MSI2: variants seen among roughly 807,000 people sequenced by gnomAD.
The protein encoded by MSI2 is RNA-binding protein Musashi homolog 2.
A neutral mutation model predicts 45.6 loss-of-function variants in MSI2; 17 were observed. The ratio of observed to expected loss-of-function variants is 0.37; its 90% confidence interval spans 0.26 to 0.56. The LOEUF (loss-of-function observed/expected upper bound fraction) is 0.56. Ranked by LOEUF, MSI2 falls within the 20% of genes least tolerant of loss-of-function variation. The pLI is 0.77. For missense variants in MSI2, 293 were observed against 444.2 expected, an observed-to-expected ratio of 0.66 and a Z score of 3.06; for synonymous variants, 156 against 158.2, an observed-to-expected ratio of 0.99 and a Z score of 0.11.
At chr17:57,649,363 C>T (rs1910948155) in intron 10 of MSI2, among the ~76,000 whole-genome samples, 1 of 151,748 alleles carries the variant, frequency 6.6e-6, no homozygotes, top group Non-Finnish European at 1.5e-5. Context: ...ATACACAACA[C>T]ATAACACACA....
In MSI2 at chr17:57,471,329, C is replaced by T. The variant is rs1024123706; in HGVS notation, c.406-58347C>T. ...TTTTTCAGATGGAGTCTTGGTCTGT[C>T]GCCCAGGCTGGAGTGCAGTGGTACA... On this transcript the variant is annotated intron_variant, in intron 6 of 13. Coordinates refer to ENST00000284073, the MANE Select transcript of MSI2 (RefSeq NM_138962.4). Among the ~76,000 whole-genome samples, 47 of 124,218 alleles carry T rather than the reference C, an allele frequency of 3.8e-4. 1 individual carries two copies. Among genetic ancestry groups the T allele is most frequent in the Admixed American group, 1.6e-3 (16 of 9,946 alleles). 81.5% of individuals were successfully genotyped at this position (124,218 alleles called of 152,430 possible). A position where few individuals can be genotyped will look rare whatever the true frequency, so the allele number is the denominator to read the frequency against.
At chr17:57,304,852 A>T (rs1337546083) in intron 5 of MSI2, among the ~76,000 whole-genome samples, 1 of 152,068 alleles carries the variant, frequency 6.6e-6, no homozygotes, top group East Asian at 1.9e-4. Context: ...TCCTAAGAAA[A>T]ATCCCCTTAG....
intron 7 of MSI2, among the ~76,000 whole-genome samples, chr17:57,565,425 T>C (rs973522373): frequency 1.3e-5 from 2 of 152,224 alleles, no homozygotes; most frequent in African/African-American, 2.4e-5. Flanking sequence ...CACCTGCCCT[T>C]GTCTCCACCT....
intron 9 of MSI2, among the ~76,000 whole-genome samples, chr17:57,622,067 C>T (rs1908338100): frequency 6.6e-6 from 1 of 152,120 alleles, no homozygotes. Flanking sequence ...GACATGGTGG[C>T]GCATGCCTGT....
intron 6 of MSI2, among the ~76,000 whole-genome samples, chr17:57,460,441 AAG>A (rs1020415822): frequency 2.2e-4 from 33 of 152,098 alleles, no homozygotes; most frequent in Non-Finnish European, 4.7e-4. Flanking sequence ...TTTGGAAGGA[AAG>A]AGGGGAGGAA....
chr17:57,497,542 A>G (rs759061420), intron 6 of MSI2, among the ~76,000 whole-genome samples: 1 of 152,222 alleles, frequency 6.6e-6, no homozygotes, highest in African/African-American at 2.4e-5. Context: ...TCAAGGTTAC[A>G]TGGCTGGAAA....
At chr17:57,651,977 A>G in intron 10 of MSI2, 122 bp from the exon 11 acceptor site, 2 of 890,156 alleles carry the variant, frequency 2.2e-6, no homozygotes, top group Non-Finnish European at 3.7e-6. Flanking sequence ...TGCCCTGTGA[A>G]AATCCCTTCC....
At chr17:57,670,398 A>G (rs143976721) in intron 11 of MSI2, among the ~76,000 whole-genome samples, 48 of 152,294 alleles carry the variant, frequency 3.2e-4, no homozygotes, top group African/African-American at 1.1e-3. Context: ...TTAGAACCCT[A>G]AGGGAAAGGT....
intron 6 of MSI2, among the ~76,000 whole-genome samples, chr17:57,506,264 A>G (rs1294882793): frequency 6.6e-6 from 1 of 152,116 alleles, no homozygotes; most frequent in African/African-American, 2.4e-5. Flanking sequence ...CTTCCTTTAC[A>G]TTTCCAAGGT....
chr17:57,547,088 A>G (rs2144159195), intron 7 of MSI2, among the ~76,000 whole-genome samples: 1 of 152,348 alleles, frequency 6.6e-6, no homozygotes, highest in South Asian at 2.1e-4. Context: ...CTTGGGAGGC[A>G]GAGAACTGTG....
At chr17:57,562,164 C>T (rs554152588) in intron 7 of MSI2, among the ~76,000 whole-genome samples, 5 of 152,308 alleles carry the variant, frequency 3.3e-5, no homozygotes, top group Admixed American at 3.3e-4. Context: ...ATCCATCCAT[C>T]CCCATCCATC....
chr17:57,461,501 C>T (rs954414118), intron 6 of MSI2, among the ~76,000 whole-genome samples: 4 of 149,456 alleles, frequency 2.7e-5, no homozygotes, highest in Non-Finnish European at 5.9e-5. Context: ...GGGCTGCTGT[C>T]GGGAACAGTA....
chr17:57,674,622 CTCTT>C (rs1180800616), intron 11 of MSI2, among the ~76,000 whole-genome samples: 1 of 152,146 alleles, frequency 6.6e-6, no homozygotes, highest in Non-Finnish European at 1.5e-5. Flanking sequence ...CTCTCTCTCT[CTCTT>C]CCATATATAT....
chr17:57,583,488 C>CTTTTTTTTTTTTTTTTTTTTTTTTT lies in MSI2; in HGVS notation c.455-13361_455-13360insTTTTTTTTTTTTTTTTTTTTTTTTT, dbSNP rs5821192. On this transcript the variant is annotated intron_variant, in intron 7 of 13. Coordinates refer to ENST00000284073, the MANE Select transcript of MSI2 (RefSeq NM_138962.4). ...TACTTTTTTCCTTCTCCCAATGTTTCTTTTTTTTTTTTTTTTTTTGAGACA... is the reference window on the plus strand; with the variant it reads ...TACTTTTTTCCTTCTCCCAATGTTTCTTTTTTTTTTTTTTTTTTTTTTTTTTTTTTTTTTTTTTTTTTTTGAGACA... Among the ~76,000 whole-genome samples the CTTTTTTTTTTTTTTTTTTTTTTTTT allele has an allele frequency of 5.1e-4, 50 of 98,036 alleles. 1 individual carries two copies. The highest frequency in any genetic ancestry group is 7.5e-4 in the Non-Finnish European group (36 of 47,946). The allele number at this position is 98,036 out of a possible 152,430, so 64.3% of individuals were successfully genotyped here. A position where few individuals can be genotyped will look rare whatever the true frequency, so the allele number is the denominator to read the frequency against.
At chr17:57,495,445 A>C (rs1490311917) in intron 6 of MSI2, among the ~76,000 whole-genome samples, 1 of 147,206 alleles carries the variant, frequency 6.8e-6, no homozygotes, top group Non-Finnish European at 1.5e-5. Flanking sequence ...AGGCAGGAGA[A>C]TCACTTGAAC....
chr17:57,582,366 AT>A (rs1250147512), intron 7 of MSI2, among the ~76,000 whole-genome samples: 2 of 152,188 alleles, frequency 1.3e-5, no homozygotes, highest in Non-Finnish European at 2.9e-5. Flanking sequence ...CATGTATATT[AT>A]AAAACCTATA....
intron 6 of MSI2, among the ~76,000 whole-genome samples, chr17:57,475,455 G>A (rs556124761): frequency 6.6e-6 from 1 of 152,152 alleles, no homozygotes; most frequent in African/African-American, 2.4e-5. Flanking sequence ...CTGATAGGTA[G>A]TGTACTGTCC....
chr17:57,261,908 A>G (rs1006342415), intron 4 of MSI2, among the ~76,000 whole-genome samples: 1 of 152,222 alleles, frequency 6.6e-6, no homozygotes, highest in Admixed American at 6.5e-5. Flanking sequence ...TATTAAGAGC[A>G]TCACACACTG....
chr17:57,292,206 T>C (rs1910482994), intron 5 of MSI2, among the ~76,000 whole-genome samples: 1 of 151,812 alleles, frequency 6.6e-6, no homozygotes, highest in Non-Finnish European at 1.5e-5. Context: ...ACTGGTGATT[T>C]AGGGGCAAGA....
Sources: allele counts gnomAD v4.1 joint callset (sites outside exome capture counted in the v4.1 genomes callset), GRCh38; gene constraint gnomAD v4.1.1; transcripts MANE v1.5; gene names NCBI Gene and HGNC (gene_info 2026-07-23, HGNC 2026-07-21).